Variants in TMEM266 observed in about 807,000 individuals in gnomAD.
The protein encoded by TMEM266 is transmembrane protein 266, also known as Hv1 related protein 1.
Under a neutral mutation model 50.5 loss-of-function variants are expected in TMEM266, and 33 were observed. That is an observed-to-expected ratio of 0.65 (90% CI 0.50 to 0.87). The LOEUF (loss-of-function observed/expected upper bound fraction) is 0.87. Ranked by LOEUF, TMEM266 falls within the 40% of genes least tolerant of loss-of-function variation. The pLI is 0.00. For missense variants in TMEM266, 655 were observed against 695.1 expected (o/e 0.94, Z 0.65); for synonymous variants, 310 against 292.3 (o/e 1.06, Z -0.62).
chr15:76,179,804 C>A (rs1349090148), intron 8 of TMEM266, among the ~76,000 whole-genome samples: 1 of 152,130 alleles, frequency 6.6e-6, no homozygotes, highest in South Asian at 2.1e-4. Flanking sequence ...AAATACAACA[C>A]CTGGCCTGGC....
chr15:76,065,905 C>A (rs1374009124), intron 1 of TMEM266, among the ~76,000 whole-genome samples: 1 of 152,122 alleles, frequency 6.6e-6, no homozygotes, highest in African/African-American at 2.4e-5. Context: ...CACTCAACCA[C>A]CCTCACCTCT....
rs1334482768 is a variant in TMEM266, at chr15:76,203,827, T to G, written c.1108T>G (p.Ser370Ala). Reference sequence around the variant, plus strand: ...GCCCAACATCTCCTCGGACCTCTTCTCTCTGGACATGCCCCTCAAACTCGG... The same window carrying G: ...GCCCAACATCTCCTCGGACCTCTTCGCTCTGGACATGCCCCTCAAACTCGG... Residue 370 changes from serine (S) to alanine (A), a missense_variant, in exon 11 of 11, where the codon TCT becomes GCT. Physicochemically the swap from Ser to Ala is moderately conservative, Grantham distance 99 (BLOSUM62 1). Around this residue, in one of 3 missense-constraint regions of TMEM266, gnomAD observed 455 missense variants for 401.8 expected, o/e 1.13. Transcript: ENST00000388942. 1 of 1,614,040 alleles carries G rather than the reference T, an allele frequency of 6.2e-7. No homozygotes were observed. The highest frequency in any genetic ancestry group is 8.5e-7 in the Non-Finnish European group (1 of 1,180,024).
chr15:76,122,588 A>G (rs956252423), intron 1 of TMEM266, among the ~76,000 whole-genome samples: 1 of 152,236 alleles, frequency 6.6e-6, no homozygotes. Flanking sequence ...GAAATTTGCA[A>G]AGTGTTTGAA....
chr15:76,127,196 A>G (rs1378956812), intron 1 of TMEM266, among the ~76,000 whole-genome samples: 2 of 152,126 alleles, frequency 1.3e-5, no homozygotes, highest in African/African-American at 4.8e-5. Context: ...ATGTATACAT[A>G]TATCAAAACA....
At chr15:76,200,723 C>T (rs2038732710) in intron 9 of TMEM266, among the ~76,000 whole-genome samples, 2 of 152,198 alleles carry the variant, frequency 1.3e-5, no homozygotes, top group South Asian at 2.1e-4. Flanking sequence ...CCCAGGGCAG[C>T]AGCCAGGCTA....
intron 1 of TMEM266, among the ~76,000 whole-genome samples, chr15:76,106,017 C>G (rs1341327750): frequency 6.6e-6 from 1 of 152,148 alleles, no homozygotes; most frequent in Non-Finnish European, 1.5e-5. Flanking sequence ...AAACTGCCAC[C>G]CTGTCTAGCA....
rs768908339 is a variant in TMEM266 at position 76,203,831 on chromosome 15, T to C, written c.1112T>C (p.Leu371Pro). ...AACATCTCCTCGGACCTCTTCTCTCTGGACATGCCCCTCAAACTCGGCGGT... is the reference window on the plus strand; with the variant it reads ...AACATCTCCTCGGACCTCTTCTCTCCGGACATGCCCCTCAAACTCGGCGGT... Residue 371 changes from leucine (L) to proline (P), a missense_variant, in exon 11 of 11, where the codon CTG becomes CCG. Physicochemically the swap from Leu to Pro is moderately conservative, Grantham distance 98 (BLOSUM62 -3). This residue lies in a region of TMEM266 where 455 missense variants were observed against 401.8 expected (regional missense o/e 1.13). Transcript: ENST00000388942. 8.1e-6 allele frequency: 13 copies of C among 1,614,090 alleles called. No individual in the cohort carries two copies. In the Admixed American group the frequency reaches 2.2e-4, roughly 27 times the overall value.
chr15:76,091,406 C>T (rs924158971), intron 1 of TMEM266, among the ~76,000 whole-genome samples: 2 of 151,924 alleles, frequency 1.3e-5, no homozygotes, highest in African/African-American at 4.8e-5. Flanking sequence ...GTTTAAGGGC[C>T]GGGAGTGGTG....
At position 76,192,136 on chromosome 15, in the gene TMEM266, G is replaced by C; in HGVS notation, c.937G>C (p.Glu313Gln). ...GGAGACGGCGGCCGAGAGCGTCGTG[G>C]AGGAGCTGCAGCCCTCGCAAGGTAA... The change falls in exon 9 of 11, where the codon GAG becomes CAG. Residue 313 changes from glutamate to glutamine, a missense_variant. Coordinates refer to ENST00000388942, the MANE Select transcript of TMEM266 (RefSeq NM_152335.3). 4 of 1,408,234 alleles carry C rather than the reference G, an allele frequency of 2.8e-6. No homozygotes were observed. The highest frequency in any genetic ancestry group is 3.7e-6 in the Non-Finnish European group (4 of 1,083,616). 87.2% of individuals were successfully genotyped at this position (1,408,234 alleles called of 1,614,324 possible).
intron 1 of TMEM266, among the ~76,000 whole-genome samples, chr15:76,062,455 A>T (rs111376128): frequency 1.3e-5 from 2 of 152,220 alleles, no homozygotes; most frequent in African/African-American, 4.8e-5. Flanking sequence ...TAGGAGGAGC[A>T]CATTCCCTGG....
intron 1 of TMEM266, among the ~76,000 whole-genome samples, chr15:76,118,482 C>G (rs945617559): frequency 6.6e-6 from 1 of 152,188 alleles, no homozygotes; most frequent in African/African-American, 2.4e-5. Flanking sequence ...TCACTTGAAC[C>G]TGGGAGGCAG....
At chr15:76,071,081 G>A (rs1045127213) in intron 1 of TMEM266, among the ~76,000 whole-genome samples, 5 of 152,026 alleles carry the variant, frequency 3.3e-5, no homozygotes, top group African/African-American at 1.2e-4. Flanking sequence ...ATGATAAAGG[G>A]GGTTGTCTTG....
chr15:76,129,152 A>G (rs1349425986), intron 1 of TMEM266, among the ~76,000 whole-genome samples: 1 of 152,200 alleles, frequency 6.6e-6, no homozygotes, highest in African/African-American at 2.4e-5. Context: ...ACCTTAATGA[A>G]TTAATTGATA....
chr15:76,114,198 A>T (rs2037214349), intron 1 of TMEM266: 1 of 152,234 alleles, frequency 6.6e-6, no homozygotes, highest in African/African-American at 2.4e-5. Flanking sequence ...ACTACTGTTG[A>T]CACTCAGGGT....
At chr15:76,075,551 T>C (rs1450425770) in intron 1 of TMEM266, among the ~76,000 whole-genome samples, 2 of 152,124 alleles carry the variant, frequency 1.3e-5, no homozygotes, top group Non-Finnish European at 2.9e-5. Flanking sequence ...ATACGACATG[T>C]TGGGGACCCC....
At chr15:76,121,723 A>G (rs2037349467) in intron 1 of TMEM266, among the ~76,000 whole-genome samples, 1 of 152,118 alleles carries the variant, frequency 6.6e-6, no homozygotes, top group African/African-American at 2.4e-5. Flanking sequence ...GGCCAAAACA[A>G]ACCTTTAACA....
In TMEM266 at chr15:76,160,545, G is replaced by A. The variant is rs969882485; in HGVS notation, c.456+377G>A. ...AGGCTGAAGCCAGGTGCCCACACAG[G>A]GAAGCTCTTGGGCCGCTGTGGCTGT... On this transcript the variant is annotated intron_variant, in intron 5 of 10. Coordinates refer to ENST00000388942, the MANE Select transcript of TMEM266 (RefSeq NM_152335.3). This position sits in a 1 kb window ranked among gnomAD's most constrained non-coding sequence, Gnocchi z 5.7. Among the ~76,000 whole-genome samples the A allele has an allele frequency of 1.3e-5, 2 of 152,220 alleles. No homozygotes were observed. Among genetic ancestry groups the A allele is most frequent in the African/African-American group, 4.8e-5 (2 of 41,456 alleles).
chr15:76,111,829 G>A lies in TMEM266; in HGVS notation c.-96-22339G>A, dbSNP rs185843946. Among the ~76,000 whole-genome samples the A allele has an allele frequency of 6.6e-5, 10 of 152,340 alleles. No homozygotes were observed. The East Asian group carries it at 1.7e-3, about 26-fold the overall frequency. ...GACTGTACAAAATCCTGCACCTGAC[G>A]TAAACGTCAGCAGCTTTATTCATAA... On this transcript the variant is annotated intron_variant, in intron 1 of 10. Transcript: ENST00000388942.
chr15:76,086,938 G>A (rs1009213927), intron 1 of TMEM266, among the ~76,000 whole-genome samples: 6 of 151,460 alleles, frequency 4.0e-5, no homozygotes, highest in African/African-American at 1.5e-4. Flanking sequence ...CGGGGGGGGG[G>A]CGGTGGTGTT....
Sources: gnomAD v4.1 joint callset for allele counts (sites outside exome capture counted in the v4.1 genomes callset) on GRCh38, gnomAD v4.1.1 for gene constraint, gnomAD v4.1.1 regional missense constraint, Gnocchi (gnomAD v3.1) non-coding constraint, MANE v1.5 for transcripts, NCBI Gene and HGNC (gene_info 2026-07-23, HGNC 2026-07-21) for gene names.